Variants in EYS observed in about 807,000 individuals in gnomAD.
The protein encoded by EYS is protein eyes shut homolog.
EYS carries 250 observed loss-of-function variants against 282.1 expected under a neutral mutation model. The observed-to-expected ratio is 0.89, with a 90% confidence interval of 0.80 to 0.98. The LOEUF is 0.98. EYS is among the 50% of genes least tolerant of loss of function. EYS has a pLI of 0.00. For synonymous variants in EYS, 1,355 were observed against 1,282.9 expected, an observed-to-expected ratio of 1.06 and a Z score of -1.20; for missense variants, 4,016 against 3,709.0, an observed-to-expected ratio of 1.08 and a Z score of -2.15.
chr6:64,681,118 C>A (rs1193044253), intron 22 of EYS, among the ~76,000 whole-genome samples: 1 of 152,170 alleles, frequency 6.6e-6, no homozygotes, highest in Non-Finnish European at 1.5e-5. Context: ...CAAATGACTA[C>A]TTTGGCTATT....
chr6:65,195,107 C>A, intron 12 of EYS, among the ~76,000 whole-genome samples: 1 of 151,884 alleles, frequency 6.6e-6, no homozygotes, highest in African/African-American at 2.4e-5. Flanking sequence ...TAAGTTTGAC[C>A]TGGACCTTTT....
At chr6:64,838,665 T>C (rs1257666977) in intron 19 of EYS, among the ~76,000 whole-genome samples, 1 of 149,494 alleles carries the variant, frequency 6.7e-6, no homozygotes, top group East Asian at 1.9e-4. Flanking sequence ...CACACAGAGC[T>C]GTTATTTGAT....
chr6:63,934,902 A>T (rs948495968), intron 35 of EYS, among the ~76,000 whole-genome samples: 1 of 151,802 alleles, frequency 6.6e-6, no homozygotes, highest in African/African-American at 2.4e-5. Flanking sequence ...ATTATAATAA[A>T]AAAATAAAAA....
chr6:63,738,122 C>T (rs1768972006), intron 41 of EYS, among the ~76,000 whole-genome samples: 1 of 152,132 alleles, frequency 6.6e-6, no homozygotes, highest in Non-Finnish European at 1.5e-5. Context: ...AATAGGAACA[C>T]TTTTACACTG....
At chr6:64,466,559 A>C (rs115336984) in intron 26 of EYS, among the ~76,000 whole-genome samples, 2,487 of 152,208 alleles carry the variant, frequency 0.016, 23 homozygotes, top group South Asian at 0.035. Flanking sequence ...TTGAACTCAT[A>C]AGAAACAGAG....
intron 2 of EYS, among the ~76,000 whole-genome samples, chr6:65,544,850 T>G (rs1478250017): frequency 1.3e-5 from 2 of 152,196 alleles, no homozygotes; most frequent in Non-Finnish European, 2.9e-5. Context: ...AACATGATTA[T>G]TTTAATAGAT....
At chr6:64,514,675 G>A (rs769058031) in intron 26 of EYS, among the ~76,000 whole-genome samples, 3 of 151,696 alleles carry the variant, frequency 2.0e-5, no homozygotes, top group Non-Finnish European at 4.4e-5. Flanking sequence ...AGATTCTTCA[G>A]GACTCCTCCT....
intron 12 of EYS, among the ~76,000 whole-genome samples, chr6:65,165,636 C>A (rs1764954888): frequency 6.6e-6 from 1 of 151,072 alleles, no homozygotes; most frequent in African/African-American, 2.4e-5. Flanking sequence ...AAAAGAAAAT[C>A]CTCAGCTACA....
At chr6:63,947,147 A>G (rs1765423069) in intron 35 of EYS, among the ~76,000 whole-genome samples, 1 of 152,086 alleles carries the variant, frequency 6.6e-6, no homozygotes, top group African/African-American at 2.4e-5. Context: ...ATTGAGTTTG[A>G]ACAAAATGTT....
chr6:65,134,608 G>A (rs745476161), intron 12 of EYS, among the ~76,000 whole-genome samples: 3 of 152,012 alleles, frequency 2.0e-5, no homozygotes, highest in Non-Finnish European at 2.9e-5. Flanking sequence ...CCTTGAGGGC[G>A]GGGTGTGGGA....
At chr6:64,640,408 A>T (rs1195259139) in intron 22 of EYS, among the ~76,000 whole-genome samples, 1 of 152,254 alleles carries the variant, frequency 6.6e-6, no homozygotes, top group Non-Finnish European at 1.5e-5. Context: ...TGATGAGTTC[A>T]TGTCCTTTGT....
intron 37 of EYS, among the ~76,000 whole-genome samples, chr6:63,799,014 T>TATAC (rs1228127815): frequency 7.2e-6 from 1 of 138,630 alleles, no homozygotes; most frequent in Non-Finnish European, 1.5e-5. Flanking sequence ...TATATATATA[T>TATAC]ATATATAATT....
At chr6:64,693,766 A>G (rs1307780140) in intron 22 of EYS, among the ~76,000 whole-genome samples, 2 of 152,170 alleles carry the variant, frequency 1.3e-5, no homozygotes, top group Non-Finnish European at 2.9e-5. Context: ...AAATCAATAA[A>G]GAAGGCTTTA....
intron 35 of EYS, among the ~76,000 whole-genome samples, chr6:63,866,430 A>T (rs1057480119): frequency 6.6e-6 from 1 of 152,218 alleles, no homozygotes; most frequent in Non-Finnish European, 1.5e-5. Flanking sequence ...CAGATCAAGG[A>T]GAATGCCTCA....
chr6:63,723,022 C>T (rs1198055013), intron 42 of EYS, among the ~76,000 whole-genome samples: 2 of 152,138 alleles, frequency 1.3e-5, no homozygotes, highest in African/African-American at 4.8e-5. Flanking sequence ...ACAGTTGATT[C>T]CCAGCACCCA....
At chr6:63,749,183 T>A (rs1450677559) in intron 41 of EYS, among the ~76,000 whole-genome samples, 1 of 152,230 alleles carries the variant, frequency 6.6e-6, no homozygotes, top group African/African-American at 2.4e-5. Flanking sequence ...GTGTGTTGTA[T>A]CTTTGTTCTC....
At chr6:64,392,051 G>C (rs1381756132) in intron 28 of EYS, among the ~76,000 whole-genome samples, 2 of 151,634 alleles carry the variant, frequency 1.3e-5, no homozygotes, top group African/African-American at 4.9e-5. Flanking sequence ...AATGGTAAAG[G>C]GATCAATTCA....
intron 31 of EYS, among the ~76,000 whole-genome samples, chr6:64,160,728 C>T (rs1009907519): frequency 6.6e-6 from 1 of 152,114 alleles, no homozygotes; most frequent in Non-Finnish European, 1.5e-5. Flanking sequence ...AGGATATGTG[C>T]AGCTATTTGA....
chr6:65,043,797 A>C (rs1275425496), intron 13 of EYS, among the ~76,000 whole-genome samples: 2 of 151,606 alleles, frequency 1.3e-5, no homozygotes, highest in Admixed American at 1.3e-4. Context: ...ACAGACACTT[A>C]GGTTGATTCC....
Sources: allele counts gnomAD v4.1 joint callset (sites outside exome capture counted in the v4.1 genomes callset), GRCh38; gene constraint gnomAD v4.1.1; transcripts MANE v1.5; gene names NCBI Gene and HGNC (gene_info 2026-07-23, HGNC 2026-07-21).